The following GALNT16 variants were observed in gnomAD, a reference collection of about 807,000 sequenced individuals.
GALNT16 encodes the protein polypeptide N-acetylgalactosaminyltransferase 16.
Under a neutral mutation model 76.1 loss-of-function variants are expected in GALNT16, and 40 were observed. That is an observed-to-expected ratio of 0.53 (90% CI 0.41 to 0.68). GALNT16 has a LOEUF of 0.68. GALNT16 is among the 30% of genes least tolerant of loss of function. GALNT16 has a pLI of 0.00. For missense variants in GALNT16, 621 were observed against 731.9 expected, an observed-to-expected ratio of 0.85 and a Z score of 1.75; for synonymous variants, 276 against 285.2, an observed-to-expected ratio of 0.97 and a Z score of 0.32.
intron 14 of GALNT16, chr14:69,351,725 C>A (rs924218588): frequency 8.3e-6 from 2 of 239,650 alleles, no homozygotes; most frequent in East Asian, 1.1e-4. Flanking sequence ...CCAGCCTGGG[C>A]AACATAGCAA....
intron 1 of GALNT16, among the ~76,000 whole-genome samples, chr14:69,277,083 C>T (rs924577161): frequency 7.2e-5 from 11 of 152,126 alleles, no homozygotes; most frequent in African/African-American, 2.2e-4. Flanking sequence ...GCAAGAGAGA[C>T]GAGATCCCAG....
At chr14:69,376,906 A>G in the GALNT16 span, among the ~76,000 whole-genome samples, 1 of 152,180 alleles carries the variant, frequency 6.6e-6, no homozygotes, top group Non-Finnish European at 1.5e-5. Context: ...AAGCTATTAC[A>G]AGAGTTAGTG....
At chr14:69,358,421 C>T (rs887189568), downstream of GALNT16, 2 of 152,530 alleles carry the variant, frequency 1.3e-5, no homozygotes, top group Non-Finnish European at 2.9e-5. Flanking sequence ...CAGGATGACT[C>T]TGCCTTCCAG....
intron 12 of GALNT16, 59 bp downstream of exon 12, chr14:69,341,823 C>T (rs1267696817): frequency 8.1e-6 from 9 of 1,112,140 alleles, no homozygotes; most frequent in Admixed American, 1.8e-5. Context: ...TTGGGGCCAG[C>T]GGCTTTGGTC....
At chr14:69,337,727 C>T (rs150946601) in intron 9 of GALNT16, among the ~76,000 whole-genome samples, 73 of 152,292 alleles carry the variant, frequency 4.8e-4, no homozygotes, top group East Asian at 4.4e-3. Flanking sequence ...CACATCTGGA[C>T]GTCACTTGGT....
In GALNT16 at chr14:69,348,008, T is replaced by A. The variant is rs763941618; in HGVS notation, c.1539+6T>A. The A allele has an allele frequency of 6.2e-7, 1 of 1,613,606 alleles. No individual in the cohort carries two copies. The highest frequency in any genetic ancestry group is 1.1e-5 in the South Asian group (1 of 91,060). ...ACCCTAGAGAAGGCAAGCAGGTGAG[T>A]CTCCTTGCCTCTGGCCCAGAGGCCC... is the stretch of plus-strand genomic sequence containing the variant. On this transcript the variant is annotated splice_donor_region_variant and intron_variant, in intron 14 of 14. Coordinates refer to ENST00000448469, the MANE Select transcript of GALNT16 (RefSeq NM_001168368.2).
chr14:69,325,833 A>C, intron 4 of GALNT16, 129 bp from the exon 5 acceptor site: 2 of 728,778 alleles, frequency 2.7e-6, no homozygotes, highest in Non-Finnish European at 4.9e-6. Context: ...AGTGATGACC[A>C]TACCTCTTCC....
intron 1 of GALNT16, among the ~76,000 whole-genome samples, chr14:69,266,623 A>C (rs2140098959): frequency 6.6e-6 from 1 of 152,308 alleles, no homozygotes; most frequent in Non-Finnish European, 1.5e-5. Context: ...ATTCTCACAG[A>C]ACCATCCAAC....
chr14:69,361,860 A>G (rs1289632292), downstream of GALNT16, among the ~76,000 whole-genome samples: 1 of 152,158 alleles, frequency 6.6e-6, no homozygotes, highest in Non-Finnish European at 1.5e-5. Context: ...AACAATAATT[A>G]GCCAGGTGTG....
chr14:69,382,669 C>CAA, the GALNT16 span, among the ~76,000 whole-genome samples: 121 of 139,464 alleles, frequency 8.7e-4, 1 homozygote, highest in African/African-American at 3.0e-3. Context: ...CCGTCTCCAC[C>CAA]AAAAAAAAAA....
At chr14:69,278,120 AC>A (rs2044497752) in intron 1 of GALNT16, among the ~76,000 whole-genome samples, 1 of 150,504 alleles carries the variant, frequency 6.6e-6, no homozygotes, top group Non-Finnish European at 1.5e-5. Flanking sequence ...GTATCTACCC[AC>A]CTCAGCCTCA....
At chr14:69,338,912 C>T in intron 10 of GALNT16, 135 bp downstream of exon 10, 2 of 671,558 alleles carry the variant, frequency 3.0e-6, no homozygotes, top group Non-Finnish European at 5.0e-6. Flanking sequence ...TTTGCCCCCT[C>T]TGGTAACATC....
chr14:69,335,161 C>T (rs996419430), intron 9 of GALNT16, among the ~76,000 whole-genome samples: 7 of 152,134 alleles, frequency 4.6e-5, no homozygotes, highest in Admixed American at 2.0e-4. Flanking sequence ...GTCTCTGAGA[C>T]GTTAGGAGCA....
At chr14:69,344,690 C>G (rs756725638) in intron 12 of GALNT16, among the ~76,000 whole-genome samples, 8 of 152,216 alleles carry the variant, frequency 5.3e-5, no homozygotes, top group Non-Finnish European at 1.5e-5. Context: ...CATTGCCACT[C>G]TTGGTCAGTA....
rs773245856 is a variant in GALNT16, at chr14:69,320,800, C to T, written c.267C>T (p.His89=). 150 of 1,614,076 alleles carry T rather than the reference C, an allele frequency of 9.3e-5. No individual in the cohort carries two copies. Among genetic ancestry groups the T allele is most frequent in the Middle Eastern group, 1.6e-4 (1 of 6,082 alleles). ...LKAGEDPYRQ[H]AFNQLESDKL... is the part of the protein sequence containing the mutation. ...CTGGAGAGGACCCCTACAGACAGCA[C>T]GCCTTCAACCAGCTGGAGAGTGACA... Residue 89 remains histidine (H), a synonymous_variant, in exon 2 of 15, where the codon CAC becomes CAT. Transcript: ENST00000448469.
intron 1 of GALNT16, among the ~76,000 whole-genome samples, chr14:69,262,958 T>C (rs2044295999): frequency 6.6e-6 from 1 of 151,612 alleles, no homozygotes; most frequent in African/African-American, 2.4e-5. Context: ...CGGCTCACTG[T>C]AACCTCCACC....
chr14:69,352,438 G>A lies in GALNT16; in HGVS notation c.*270G>A. On this transcript the variant is annotated 3_prime_UTR_variant, in exon 15 of 15. Transcript: ENST00000448469. ...GTTGCTGGGTAGAGACTGAGTAGGT[G>A]CCCCTGGCCCTTTGTCCTCTCCCTT... 1 of 408,502 alleles carries A rather than the reference G, an allele frequency of 2.4e-6. No individual in the cohort carries two copies. Among genetic ancestry groups the A allele is most frequent in the Non-Finnish European group, 4.4e-6 (1 of 228,452 alleles). 25.3% of individuals were successfully genotyped at this position (408,502 alleles called of 1,614,324 possible).
At chr14:69,380,866 T>C in the GALNT16 span, among the ~76,000 whole-genome samples, 478 of 152,346 alleles carry the variant, frequency 3.1e-3, 4 homozygotes, top group African/African-American at 0.011. Context: ...TGACTTAGAA[T>C]TTTTAAGTTA....
chr14:69,383,476 C>A, the GALNT16 span, among the ~76,000 whole-genome samples: 5 of 152,180 alleles, frequency 3.3e-5, no homozygotes, highest in African/African-American at 9.7e-5. Context: ...CAGTGGGTTA[C>A]CTCTTTGGAA....
Sources: gnomAD v4.1 joint callset for allele counts (sites outside exome capture counted in the v4.1 genomes callset) on GRCh38, gnomAD v4.1.1 for gene constraint, MANE v1.5 for transcripts, NCBI Gene and HGNC (gene_info 2026-07-23, HGNC 2026-07-21) for gene names.